Variants in PPEF1 observed in about 807,000 individuals in gnomAD.
PPEF1 encodes the protein serine/threonine-protein phosphatase with EF-hands 1.
A neutral mutation model predicts 53.3 loss-of-function variants in PPEF1; 12 were observed. That is an observed-to-expected ratio of 0.23 (90% CI 0.14 to 0.36). The LOEUF is 0.36. Ranked by LOEUF, PPEF1 falls within the 10% of genes least tolerant of loss-of-function variation. PPEF1 has a pLI of 1.00. For missense variants in PPEF1, 334 were observed against 490.4 expected (o/e 0.68, Z 3.01); for synonymous variants, 165 against 176.7 (o/e 0.93, Z 0.52).
intron 1 of PPEF1, among the ~76,000 whole-genome samples, chrX:18,723,944 G>A (rs1281291261): frequency 1.8e-5 from 2 of 110,471 alleles, no homozygotes; most frequent in African/African-American, 3.3e-5. Context: ...GCACCACCAC[G>A]CCTGGCTAAT....
At chrX:18,764,927 A>G (rs2045737522) in intron 6 of PPEF1, among the ~76,000 whole-genome samples, 1 of 112,138 alleles carries the variant, frequency 8.9e-6, no homozygotes, top group African/African-American at 3.2e-5. Context: ...ATATTTCTTT[A>G]ATTCTGTCTG....
intron 12 of PPEF1, among the ~76,000 whole-genome samples, chrX:18,811,199 T>G (rs917108148): frequency 7.2e-5 from 8 of 111,190 alleles, no homozygotes; most frequent in Non-Finnish European, 1.5e-4. Flanking sequence ...ACTACAGGCA[T>G]GCGCCACCAT....
chrX:18,733,674 G>A (rs1569251145), intron 2 of PPEF1, 74 bp from the exon 3 acceptor site: 1 of 882,313 alleles, frequency 1.1e-6, no homozygotes, highest in Non-Finnish European at 1.6e-6. Flanking sequence ...GCACTCGGGT[G>A]GAACACCAAC....
chrX:18,760,777 A>ATT (rs35558454), intron 5 of PPEF1, among the ~76,000 whole-genome samples: 29,303 of 73,917 alleles, frequency 0.4, 6,352 homozygotes, highest in Non-Finnish European at 0.52. Flanking sequence ...AAACCTGGCA[A>ATT]TTTTTTTTTT....
chrX:18,768,458 G>C (rs1029844426), intron 6 of PPEF1, among the ~76,000 whole-genome samples: 1 of 112,586 alleles, frequency 8.9e-6, no homozygotes, highest in African/African-American at 3.2e-5. Flanking sequence ...CACAGCCTGA[G>C]AGACTGTTCT....
upstream of PPEF1, among the ~76,000 whole-genome samples, chrX:18,681,411 T>A (rs1357028556): frequency 8.9e-6 from 1 of 112,333 alleles, no homozygotes; most frequent in Admixed American, 9.5e-5. Flanking sequence ...CTAAATAGTT[T>A]CCAGCATATA....
At chrX:18,736,405 G>T (rs1215218533) in intron 3 of PPEF1, among the ~76,000 whole-genome samples, 11 of 111,595 alleles carry the variant, frequency 9.9e-5, no homozygotes, top group Admixed American at 3.8e-4. Context: ...TTTTGTCTTT[G>T]GTTCTGTTTA....
chrX:18,677,130 C>G (rs1307409231), intron 1 of PPEF1, among the ~76,000 whole-genome samples: 2 of 108,551 alleles, frequency 1.8e-5, no homozygotes, highest in African/African-American at 3.4e-5. Context: ...CCTCTGCCTC[C>G]CGTTCGAGCA....
chrX:18,804,339 C>T (rs1602472002), intron 11 of PPEF1, among the ~76,000 whole-genome samples: 2 of 107,908 alleles, frequency 1.9e-5, no homozygotes, highest in Admixed American at 2.0e-4. Context: ...TGGAGTCTCA[C>T]TCTGCCACCC....
intron 3 of PPEF1, among the ~76,000 whole-genome samples, chrX:18,742,890 G>A (rs746020270): frequency 2.7e-5 from 3 of 110,536 alleles, no homozygotes; most frequent in South Asian, 3.8e-4. Context: ...TTTTTCTCAC[G>A]CAGCCTTTCT....
chrX:18,819,049 A>C (rs1364479273), intron 13 of PPEF1, among the ~76,000 whole-genome samples: 1 of 111,710 alleles, frequency 9.0e-6, no homozygotes, highest in African/African-American at 3.3e-5. Flanking sequence ...AAGCAAATGC[A>C]AATTTATCTT....
chrX:18,714,269 G>GTTTTTTTTTTTTTTT (rs752286222), intron 1 of PPEF1, among the ~76,000 whole-genome samples: 1 of 61,950 alleles, frequency 1.6e-5, no homozygotes, highest in African/African-American at 4.8e-5. Flanking sequence ...TTTGTTTTTC[G>GTTTTTTTTTTTTTTT]TTTTTTTGTT....
At chrX:18,719,367 C>T (rs1305437443) in intron 1 of PPEF1, among the ~76,000 whole-genome samples, 7 of 97,126 alleles carry the variant, frequency 7.2e-5, no homozygotes, top group African/African-American at 2.7e-4. Context: ...TCTTTTTTGA[C>T]ACAGGGTCTC....
At chrX:18,692,256 A>G (rs958105785) in intron 4 of PPEF1, among the ~76,000 whole-genome samples, 1 of 111,911 alleles carries the variant, frequency 8.9e-6, no homozygotes, top group Non-Finnish European at 1.9e-5. Flanking sequence ...TTTCTCCACC[A>G]TAAACTCGCT....
intron 3 of PPEF1, among the ~76,000 whole-genome samples, chrX:18,734,372 T>C (rs1451540519): frequency 9.7e-6 from 1 of 102,902 alleles, no homozygotes; most frequent in Admixed American, 1.1e-4. Flanking sequence ...AGTGAGAACA[T>C]GCAGTGTTTG....
intron 8 of PPEF1, 110 bp downstream of exon 8, chrX:18,782,512 C>T (rs777032562): frequency 5.2e-6 from 3 of 572,583 alleles, no homozygotes; most frequent in African/African-American, 2.4e-5. Flanking sequence ...GGTAATAGGC[C>T]AACTAGTCAG....
chrX:18,742,602 T>G (rs1387512463), intron 3 of PPEF1, among the ~76,000 whole-genome samples: 1 of 111,410 alleles, frequency 9.0e-6, no homozygotes, highest in African/African-American at 3.3e-5. Context: ...CTCATGCCTG[T>G]AATCTCAGCA....
intron 1 of PPEF1, among the ~76,000 whole-genome samples, chrX:18,720,927 G>T (rs1270795039): frequency 7.2e-5 from 8 of 111,039 alleles, no homozygotes; most frequent in African/African-American, 2.6e-4. Flanking sequence ...ACCTGGAAAA[G>T]CCCCACCTCT....
At chrX:18,793,697 C>A (rs1341765307) in intron 10 of PPEF1, among the ~76,000 whole-genome samples, 2 of 85,167 alleles carry the variant, frequency 2.3e-5, no homozygotes, top group South Asian at 9.3e-4. Context: ...CCGCTCCCCC[C>A]ACCCCCCGCC....
Sources: gnomAD v4.1 joint callset for allele counts (sites outside exome capture counted in the v4.1 genomes callset) on GRCh38, gnomAD v4.1.1 for gene constraint, MANE v1.5 for transcripts, NCBI Gene and HGNC (gene_info 2026-07-23, HGNC 2026-07-21) for gene names.